The following HEATR3 variants were observed in gnomAD, a reference collection of about 807,000 sequenced individuals.
The protein encoded by HEATR3 is HEAT repeat containing 3, also known as HEAT repeat-containing protein 3.
A neutral mutation model predicts 72.8 loss-of-function variants in HEATR3; 56 were observed. That is an observed-to-expected ratio of 0.77 (90% confidence interval 0.62 to 0.96). HEATR3 has a LOEUF of 0.96. Among genes scored for constraint, HEATR3 ranks in the 40% least tolerant of loss-of-function variants. The pLI is 0.00. For synonymous variants in HEATR3, 331 were observed against 318.1 expected (o/e 1.04, Z -0.43); for missense variants, 747 against 831.4 (o/e 0.90, Z 1.25).
At chr16:50,068,157 G>A (rs947165888) in intron 2 of HEATR3, among the ~76,000 whole-genome samples, 3 of 152,126 alleles carry the variant, frequency 2.0e-5, no homozygotes, top group Non-Finnish European at 4.4e-5. Context: ...CATTGTGAGG[G>A]CATCTTCTGA....
intron 11 of HEATR3, among the ~76,000 whole-genome samples, chr16:50,089,665 ATTCTTTTTTT>A (rs1381761341): frequency 6.6e-6 from 1 of 151,976 alleles, no homozygotes. Flanking sequence ...TGGAGATGAT[ATTCTTTTTTT>A]TTCTTTTATT....
intron 7 of HEATR3, among the ~76,000 whole-genome samples, chr16:50,082,618 T>C (rs561890509): frequency 6.6e-6 from 1 of 151,824 alleles, no homozygotes; most frequent in African/African-American, 2.4e-5. Flanking sequence ...ACAGTTAAAT[T>C]GTTGCACAAA....
chr16:50,096,910 C>G (rs2037251948), intron 12 of HEATR3, among the ~76,000 whole-genome samples: 2 of 152,138 alleles, frequency 1.3e-5, no homozygotes, highest in Non-Finnish European at 2.9e-5. Flanking sequence ...ATACACTTAC[C>G]CATTGAAGAA....
At chr16:50,071,454 T>C (rs1430865653) in intron 4 of HEATR3, among the ~76,000 whole-genome samples, 1 of 152,252 alleles carries the variant, frequency 6.6e-6, no homozygotes, top group Non-Finnish European at 1.5e-5. Flanking sequence ...CAGATAACTT[T>C]AAGTCATAGA....
intron 10 of HEATR3, among the ~76,000 whole-genome samples, chr16:50,085,205 G>A (rs2150611195): frequency 6.6e-6 from 1 of 152,274 alleles, no homozygotes; most frequent in Middle Eastern, 3.4e-3. Context: ...AAGAGATACA[G>A]GGGCTTTCAG....
intron 14 of HEATR3, among the ~76,000 whole-genome samples, chr16:50,103,137 A>G (rs547747888): frequency 6.6e-6 from 1 of 152,228 alleles, no homozygotes; most frequent in East Asian, 1.9e-4. Flanking sequence ...AATATCCCCT[A>G]TTTCCCTGCA....
chr16:50,075,653 A>T lies in HEATR3; in HGVS notation c.705A>T (p.Ser235=). 6.2e-7 allele frequency: 1 copy of T among 1,614,012 alleles called. No homozygotes were observed. Among genetic ancestry groups the T allele is most frequent in the South Asian group, 1.1e-5 (1 of 91,088 alleles). The change falls in exon 6 of 15, where the codon TCA becomes TCT. Residue 235 remains serine (S), a synonymous_variant. Transcript: ENST00000299192. The part of the protein sequence containing the change: ...FSATALNMLE[S]ALLSPVSSME... ...CTACAGCATTGAACATGCTGGAATC[A>T]GCACTGCTTTCTCCTGTCAGTTCCA...
chr16:50,102,242 T>C lies in HEATR3; in HGVS notation c.1744-17T>C. ...AGACTGGTGTTAGTCATACTAAATG[T>C]GTTTTGTTGTTTCCAGAACATTGGG... On this transcript the variant is annotated splice_polypyrimidine_tract_variant and intron_variant, in intron 13 of 14. Coordinates refer to ENST00000299192, the MANE Select transcript of HEATR3 (RefSeq NM_182922.4). 2 of 1,604,414 alleles carry C rather than the reference T, an allele frequency of 1.2e-6. No individual in the cohort carries two copies. The highest frequency in any genetic ancestry group is 1.7e-6 in the Non-Finnish European group (2 of 1,176,032).
intron 3 of HEATR3, 60 bp downstream of exon 3, chr16:50,068,927 T>A: frequency 7.9e-7 from 1 of 1,268,348 alleles, no homozygotes; most frequent in East Asian, 2.3e-5. Context: ...AGACTTTTTT[T>A]AGTACTTTGG....
intron 7 of HEATR3, among the ~76,000 whole-genome samples, chr16:50,082,684 G>C (rs1200504043): frequency 6.7e-6 from 1 of 150,184 alleles, no homozygotes; most frequent in Non-Finnish European, 1.5e-5. Context: ...ACTTTTGGGA[G>C]GCTGAGGTGG....
chr16:50,083,156 T>C (rs2036909545), intron 7 of HEATR3, among the ~76,000 whole-genome samples: 1 of 152,164 alleles, frequency 6.6e-6, no homozygotes, highest in African/African-American at 2.4e-5. Context: ...AAAAAGACAA[T>C]TGAAAACTGA....
chr16:50,067,363 A>G (rs1444981217), intron 2 of HEATR3, among the ~76,000 whole-genome samples: 5 of 149,190 alleles, frequency 3.4e-5, no homozygotes, highest in Admixed American at 6.7e-5. Context: ...TCAAAAAAAA[A>G]AAAAGGTGCT....
intron 4 of HEATR3, among the ~76,000 whole-genome samples, chr16:50,070,951 T>A (rs1198840990): frequency 1.3e-5 from 2 of 152,176 alleles, no homozygotes; most frequent in African/African-American, 4.8e-5. Context: ...GGTGCAGCTT[T>A]GGTTTGGCCT....
chr16:50,066,087 G>A lies in HEATR3; in HGVS notation c.-45G>A. ...GGCGCGGCAGCCTCCACCGCCTGCT[G>A]TTGCCCTCCTCTCTCGGTGGTCTGT... On this transcript the variant is annotated 5_prime_UTR_variant, in exon 1 of 15. Coordinates refer to ENST00000299192, the MANE Select transcript of HEATR3 (RefSeq NM_182922.4). The A allele has an allele frequency of 6.4e-7, 1 of 1,551,510 alleles. No homozygotes were observed. The highest frequency in any genetic ancestry group is 8.7e-7 in the Non-Finnish European group (1 of 1,152,438).
Position 50,066,171 on chromosome 16 carries a change from T to A in HEATR3, c.40T>A (p.Phe14Ile). The A allele has an allele frequency of 6.3e-7, 1 of 1,596,464 alleles. No homozygotes were observed. The highest frequency in any genetic ancestry group is 8.5e-7 in the Non-Finnish European group (1 of 1,172,960). The change falls in exon 1 of 15, where the codon TTC becomes ATC. Residue 14 changes from phenylalanine to isoleucine, a missense_variant. Around this residue, in one of 2 missense-constraint regions of HEATR3, gnomAD observed 161 missense variants for 122.6 expected, o/e 1.31. Coordinates refer to ENST00000299192, the MANE Select transcript of HEATR3 (RefSeq NM_182922.4). ...SRTKRFKRPQ[F>I]SPTGDCQAEA... ...GACGAAGCGCTTCAAGCGACCTCAG[T>A]TCTCCCCTACGGGCGACTGTCAGGC... is the stretch of plus-strand genomic sequence containing the variant.
chr16:50,081,839 C>G (rs879563516), intron 7 of HEATR3, among the ~76,000 whole-genome samples: 1 of 152,130 alleles, frequency 6.6e-6, no homozygotes, highest in Non-Finnish European at 1.5e-5. Flanking sequence ...TCTACAGTTA[C>G]CAATTTTCAA....
Position 50,107,242 on chromosome 16 carries a change from T to C in HEATR3, c.*2181T>C, listed in dbSNP as rs1185460801. 6.6e-6 allele frequency among the ~76,000 whole-genome samples: 1 copy of C among 152,244 alleles called. No homozygotes were observed. The highest frequency in any genetic ancestry group is 1.5e-5 in the Non-Finnish European group (1 of 68,046). On this transcript the variant is annotated 3_prime_UTR_variant, in exon 15 of 15. Coordinates refer to ENST00000299192, the MANE Select transcript of HEATR3 (RefSeq NM_182922.4). ...TAGTCGACTCTTCATAAATATTTGT[T>C]GAGTAAATAAATGCTGGTGATTTTC...
intron 11 of HEATR3, among the ~76,000 whole-genome samples, chr16:50,091,033 A>G (rs2037097823): frequency 6.6e-6 from 1 of 152,156 alleles, no homozygotes; most frequent in South Asian, 2.1e-4. Context: ...TAGTCCAGCT[A>G]CTTGGGAGGC....
At chr16:50,070,702 CA>C (rs35352443) in intron 4 of HEATR3, among the ~76,000 whole-genome samples, 193 of 135,348 alleles carry the variant, frequency 1.4e-3, no homozygotes, top group Non-Finnish European at 1.3e-3. Flanking sequence ...ATTCCTGTCT[CA>C]AAAAAAAAAA....
Sources: gnomAD v4.1 joint callset for allele counts (sites outside exome capture counted in the v4.1 genomes callset) on GRCh38, gnomAD v4.1.1 for gene constraint, gnomAD v4.1.1 regional missense constraint, MANE v1.5 for transcripts, NCBI Gene and HGNC (gene_info 2026-07-23, HGNC 2026-07-21) for gene names.